Variants in PTPRD observed in about 807,000 individuals in gnomAD.
The protein encoded by PTPRD is protein tyrosine phosphatase receptor type D, also known as receptor-type tyrosine-protein phosphatase delta.
Under a neutral mutation model 214.5 loss-of-function variants are expected in PTPRD, and 34 were observed. The ratio of observed to expected loss-of-function variants is 0.16; its 90% CI spans 0.12 to 0.21. The LOEUF (loss-of-function observed/expected upper bound fraction) is 0.21. Ranked by LOEUF, PTPRD falls within the 10% of genes least tolerant of loss-of-function variation. The pLI is 1.00. For synonymous variants in PTPRD, 1,128 were observed against 845.7 expected (o/e 1.33, Z -5.79); for missense variants, 2,545 against 2,398.7 (o/e 1.06, Z -1.27).
At chr9:8,433,143 G>C (rs1445346218) in intron 35 of PTPRD, among the ~76,000 whole-genome samples, 1 of 152,124 alleles carries the variant, frequency 6.6e-6, no homozygotes, top group African/African-American at 2.4e-5. Flanking sequence ...ATAAGAGACT[G>C]ATCCATAAAA....
intron 4 of PTPRD, among the ~76,000 whole-genome samples, chr9:9,987,560 A>C (rs933188922): frequency 2.0e-5 from 3 of 152,096 alleles, no homozygotes; most frequent in Non-Finnish European, 4.4e-5. Flanking sequence ...ACCTGCCCCG[A>C]CAACATGTGG....
At chr9:8,461,179 A>C (rs945537181) in intron 32 of PTPRD, among the ~76,000 whole-genome samples, 5 of 152,106 alleles carry the variant, frequency 3.3e-5, no homozygotes, top group African/African-American at 4.8e-5. Flanking sequence ...TACAATTTCA[A>C]AAGAGAATTC....
At chr9:8,767,979 A>G (rs1225307355) in intron 11 of PTPRD, among the ~76,000 whole-genome samples, 1 of 152,246 alleles carries the variant, frequency 6.6e-6, no homozygotes, top group Non-Finnish European at 1.5e-5. Flanking sequence ...TTTTTACAAC[A>G]AATATACTAC....
chr9:9,503,342 T>A (rs1046981657), intron 8 of PTPRD, among the ~76,000 whole-genome samples: 1 of 151,606 alleles, frequency 6.6e-6, no homozygotes, highest in African/African-American at 2.4e-5. Flanking sequence ...ATCATTTAGA[T>A]GAGATGTGTG....
At chr9:10,394,210 TAA>T (rs2154492696) in intron 2 of PTPRD, among the ~76,000 whole-genome samples, 1 of 144,248 alleles carries the variant, frequency 6.9e-6, no homozygotes, top group East Asian at 2.0e-4. Context: ...AGATAATATA[TAA>T]TATATATTTC....
At chr9:10,149,913 T>G (rs1162199160) in intron 3 of PTPRD, among the ~76,000 whole-genome samples, 1 of 151,908 alleles carries the variant, frequency 6.6e-6, no homozygotes. Context: ...GTATTTTTAG[T>G]AGAGATGGGG....
intron 9 of PTPRD, among the ~76,000 whole-genome samples, chr9:9,332,591 A>AT (rs2042745338): frequency 7.1e-6 from 1 of 141,614 alleles, no homozygotes; most frequent in Non-Finnish European, 1.6e-5. Context: ...AAAAAAAAAA[A>AT]CCTCTATACT....
chr9:9,885,867 A>T (rs1213973736), intron 5 of PTPRD, among the ~76,000 whole-genome samples: 1 of 152,090 alleles, frequency 6.6e-6, no homozygotes, highest in Non-Finnish European at 1.5e-5. Flanking sequence ...GGTTAAAAAA[A>T]AAACCATGGC....
At chr9:9,595,319 A>T (rs1201656776) in intron 7 of PTPRD, among the ~76,000 whole-genome samples, 1 of 75,150 alleles carries the variant, frequency 1.3e-5, no homozygotes, top group Non-Finnish European at 3.9e-5. Flanking sequence ...TATTATATAT[A>T]TTTTATATAT....
chr9:10,378,576 C>T (rs903306659), intron 2 of PTPRD, among the ~76,000 whole-genome samples: 8 of 151,962 alleles, frequency 5.3e-5, no homozygotes, highest in African/African-American at 1.9e-4. Context: ...AAGAGACTGT[C>T]TTTCCCCTCA....
chr9:9,909,390 G>C lies in PTPRD; in HGVS notation c.-368+29117C>G, dbSNP rs79679803. On this transcript the variant is annotated intron_variant, in intron 5 of 45. Transcript: ENST00000381196. ...TTGCTGGGGGCAGGGGCAGCTGCTA[G>C]GAAGTAATATTGGAAAGACTTTAAA... is the stretch of plus-strand genomic sequence containing the variant. Among the ~76,000 whole-genome samples the C allele has an allele frequency of 0.023, 3,418 of 150,250 alleles. 232 individuals are homozygous for C. In the East Asian group the frequency reaches 0.27, roughly 12 times the overall value.
chr9:8,443,548 C>A (rs1437861686), intron 34 of PTPRD, among the ~76,000 whole-genome samples: 1 of 152,146 alleles, frequency 6.6e-6, no homozygotes, highest in Non-Finnish European at 1.5e-5. Context: ...TGCTTTAGGG[C>A]AAAACATATT....
At chr9:9,181,884 G>C (rs146697930) in intron 10 of PTPRD, among the ~76,000 whole-genome samples, 2 of 152,090 alleles carry the variant, frequency 1.3e-5, no homozygotes, top group African/African-American at 4.8e-5. Context: ...AAGTACTTTG[G>C]ACTCCCAAAC....
intron 8 of PTPRD, among the ~76,000 whole-genome samples, chr9:9,523,729 G>A (rs78459723): frequency 0.027 from 4,173 of 152,184 alleles, 205 homozygotes; most frequent in African/African-American, 0.094. Context: ...CAACCTCTGA[G>A]ACAGCATGTG....
intron 2 of PTPRD, among the ~76,000 whole-genome samples, chr9:10,477,584 G>T (rs2099071317): frequency 6.6e-6 from 1 of 152,016 alleles, no homozygotes. Context: ...GATTCTTCAA[G>T]GATCTAGAAC....
chr9:8,790,733 T>C (rs1224492960), intron 11 of PTPRD, among the ~76,000 whole-genome samples: 2 of 151,172 alleles, frequency 1.3e-5, no homozygotes, highest in African/African-American at 4.8e-5. Context: ...ATTAGATACA[T>C]ACAATTTGTA....
intron 12 of PTPRD, among the ~76,000 whole-genome samples, chr9:8,725,522 C>G (rs949549174): frequency 4.6e-5 from 7 of 152,022 alleles, no homozygotes; most frequent in Non-Finnish European, 7.4e-5. Context: ...AAAGATTCTG[C>G]TCAAATTGTG....
At chr9:8,999,212 C>T (rs995195252) in intron 11 of PTPRD, among the ~76,000 whole-genome samples, 3 of 152,000 alleles carry the variant, frequency 2.0e-5, no homozygotes, top group Non-Finnish European at 4.4e-5. Context: ...CTATCAAACA[C>T]CATCACACAC....
At chr9:10,417,949 T>C (rs1454442893) in intron 2 of PTPRD, among the ~76,000 whole-genome samples, 1 of 151,690 alleles carries the variant, frequency 6.6e-6, no homozygotes, top group Non-Finnish European at 1.5e-5. Context: ...ATTTACACTG[T>C]GAATATATCA....
Sources: gnomAD v4.1 joint callset for allele counts (sites outside exome capture counted in the v4.1 genomes callset) on GRCh38, gnomAD v4.1.1 for gene constraint, MANE v1.5 for transcripts, NCBI Gene and HGNC (gene_info 2026-07-23, HGNC 2026-07-21) for gene names.